The following NRIP1 variants were observed in gnomAD, a reference collection of about 807,000 sequenced individuals.
NRIP1 encodes nuclear receptor interacting protein 1.
A neutral mutation model predicts 75.0 loss-of-function variants in NRIP1; 28 were observed. The ratio of observed to expected loss-of-function variants is 0.37; its 90% CI spans 0.28 to 0.51. NRIP1 has a LOEUF of 0.51. Among genes scored for constraint, NRIP1 ranks in the 20% least tolerant of loss-of-function variants. The probability of loss-of-function intolerance (pLI) is 0.92; values close to 1 mark genes in which losing one functional copy is unlikely to be tolerated. For synonymous variants in NRIP1, 526 were observed against 487.6 expected (o/e 1.08, Z -1.04); for missense variants, 1,435 against 1,343.7 (o/e 1.07, Z -1.06).
chr21:14,987,081 A>G (rs549606764), intron 3 of NRIP1, among the ~76,000 whole-genome samples: 1 of 152,310 alleles, frequency 6.6e-6, no homozygotes, highest in East Asian at 1.9e-4. Flanking sequence ...AAAAACCTCT[A>G]GTGACCATGA....
intron 3 of NRIP1, among the ~76,000 whole-genome samples, chr21:14,990,581 G>A (rs151337489): frequency 1.3e-5 from 2 of 152,168 alleles, no homozygotes; most frequent in Non-Finnish European, 2.9e-5. Flanking sequence ...AAGAGCCAGA[G>A]GGCAACAGTA....
chr21:15,030,945 A>G (rs4816462), intron 2 of NRIP1, among the ~76,000 whole-genome samples: 11,160 of 56,894 alleles, frequency 0.2, 50 homozygotes, highest in East Asian at 0.37. Context: ...GAAGGCACTC[A>G]GAGGATCACC....
At chr21:15,006,915 G>A (rs774634811) in intron 3 of NRIP1, among the ~76,000 whole-genome samples, 1 of 152,196 alleles carries the variant, frequency 6.6e-6, no homozygotes, top group Non-Finnish European at 1.5e-5. Context: ...GCTGTAACCA[G>A]GTTTTTAGTT....
Position 15,049,103 on chromosome 21 carries a change from A to G in NRIP1, c.-537-5529T>C, listed in dbSNP as rs542425885. 2.8e-3 allele frequency among the ~76,000 whole-genome samples: 422 copies of G among 152,322 alleles called. 2 individuals carry two copies. Among genetic ancestry groups the G allele is most frequent in the Non-Finnish European group, 3.9e-3 (268 of 67,994 alleles). On this transcript the variant is annotated intron_variant, in intron 1 of 3. Coordinates refer to ENST00000318948, the MANE Select transcript of NRIP1 (RefSeq NM_003489.4). ...AAGAACAATTCTATACCCTAATAGCATTTAGAAGCAAAATACAATATAGGG... is the reference window on the plus strand; with the variant it reads ...AAGAACAATTCTATACCCTAATAGCGTTTAGAAGCAAAATACAATATAGGG...
At chr21:15,022,867 T>C (rs1314656859) in intron 2 of NRIP1, among the ~76,000 whole-genome samples, 1 of 152,226 alleles carries the variant, frequency 6.6e-6, no homozygotes, top group Non-Finnish European at 1.5e-5. Flanking sequence ...TAAAATGTGA[T>C]AAATCCATAC....
intron 2 of NRIP1, among the ~76,000 whole-genome samples, chr21:15,015,532 C>A (rs1600872421): frequency 6.6e-6 from 1 of 151,754 alleles, no homozygotes; most frequent in Admixed American, 6.6e-5. Context: ...TAAGGATGTT[C>A]AAAATACATA....
chr21:14,992,405 A>G (rs1483060520), intron 3 of NRIP1: 1 of 152,208 alleles, frequency 6.6e-6, no homozygotes, highest in Non-Finnish European at 1.5e-5. Context: ...AATGTAACTT[A>G]CCAATTCAGT....
chr21:14,965,886 A>C lies in NRIP1; in HGVS notation c.2307T>G (p.Asn769Lys). The part of the protein sequence containing the change: ...PCDDLQIPNT[N>K]VHLSHDAKSA... Reference sequence around the variant, plus strand: ...TCTTAGCATCATGGCTCAAGTGCACATTTGTGTTAGGAATTTGTAAGTCAT... The same window carrying C: ...TCTTAGCATCATGGCTCAAGTGCACCTTTGTGTTAGGAATTTGTAAGTCAT... Residue 769 changes from asparagine (N) to lysine (K), a missense_variant, in exon 4 of 4, where the codon AAT (asparagine) becomes AAG (lysine). Transcript: ENST00000318948. 1 of 1,614,112 alleles carries C rather than the reference A, an allele frequency of 6.2e-7. No homozygotes were observed. The highest frequency in any genetic ancestry group is 8.5e-7 in the Non-Finnish European group (1 of 1,179,988).
At position 14,965,897 on chromosome 21, in the gene NRIP1, G is replaced by C; in HGVS notation, c.2296C>G (p.Pro766Ala). ...KSEPCDDLQI[P>A]NTNVHLSHDA... ...TGGCTCAAGTGCACATTTGTGTTAGGAATTTGTAAGTCATCACAAGGCTCA... is the reference window on the plus strand; with the variant it reads ...TGGCTCAAGTGCACATTTGTGTTAGCAATTTGTAAGTCATCACAAGGCTCA... Residue 766 changes from proline (P) to alanine (A), a missense_variant, in exon 4 of 4, where the codon CCT (proline) becomes GCT (alanine). By Grantham distance (27) the Pro-to-Ala change is conservative (BLOSUM62 -1). Transcript: ENST00000318948. 6.2e-7 allele frequency: 1 copy of C among 1,614,080 alleles called. No individual in the cohort carries two copies. The highest frequency in any genetic ancestry group is 8.5e-7 in the Non-Finnish European group (1 of 1,179,984).
intron 3 of NRIP1, chr21:14,988,099 T>C (rs1478609486): frequency 6.6e-6 from 1 of 152,172 alleles, no homozygotes; most frequent in East Asian, 1.9e-4. Context: ...AGCATTGTGG[T>C]GAAAAGAACA....
rs1449166173 is a variant in NRIP1, at chr21:14,967,632, A to C, written c.561T>G (p.Thr187=). The change falls in exon 4 of 4, where the codon ACT becomes ACG. Residue 187 remains threonine, a synonymous_variant. Coordinates refer to ENST00000318948, the MANE Select transcript of NRIP1 (RefSeq NM_003489.4). The part of the protein sequence containing the change: ...CYGVASSHLK[T]LLKKSKVKDQ... ...CTTTAACTTTACTTTTCTTCAACAA[A>C]GTTTTTAAGTGACTTGATGCAACAC... The C allele has an allele frequency of 6.2e-7, 1 of 1,613,532 alleles. No homozygotes were observed. Among genetic ancestry groups the C allele is most frequent in the African/African-American group, 1.3e-5 (1 of 74,808 alleles).
chr21:14,985,493 TCTGGTTTTAAACTC>T (rs1475668722), intron 3 of NRIP1, among the ~76,000 whole-genome samples: 2 of 152,100 alleles, frequency 1.3e-5, no homozygotes, highest in Admixed American at 1.3e-4. Context: ...TCATCTATCA[TCTGGTTTTAAACTC>T]CTGACCTCAA....
At chr21:15,013,698 C>T (rs1370426405) in intron 3 of NRIP1, among the ~76,000 whole-genome samples, 1 of 152,162 alleles carries the variant, frequency 6.6e-6, no homozygotes, top group Admixed American at 6.5e-5. Flanking sequence ...GTAGAATTAA[C>T]CACTTGCTCA....
intron 3 of NRIP1, among the ~76,000 whole-genome samples, chr21:14,985,422 T>C (rs1055571731): frequency 2.6e-5 from 4 of 152,152 alleles, no homozygotes; most frequent in Non-Finnish European, 5.9e-5. Context: ...TCTGTGGGTT[T>C]AGAAAACATG....
chr21:15,040,390 T>C (rs2147309957), intron 2 of NRIP1, among the ~76,000 whole-genome samples: 1 of 152,212 alleles, frequency 6.6e-6, no homozygotes, highest in East Asian at 1.9e-4. Context: ...ATACTTCTAG[T>C]GAACAGCACT....
chr21:15,054,791 G>A (rs2089272736), intron 1 of NRIP1, among the ~76,000 whole-genome samples: 1 of 152,204 alleles, frequency 6.6e-6, no homozygotes, highest in Admixed American at 6.5e-5. Context: ...AGGACCAACA[G>A]TACACTGATG....
chr21:14,981,314 T>C (rs1392478483), intron 3 of NRIP1, among the ~76,000 whole-genome samples: 1 of 152,220 alleles, frequency 6.6e-6, no homozygotes, highest in Non-Finnish European at 1.5e-5. Context: ...TACCCTGATC[T>C]CTTATTTGCC....
intron 3 of NRIP1, among the ~76,000 whole-genome samples, chr21:14,985,395 T>C (rs2087368653): frequency 6.6e-6 from 1 of 152,142 alleles, no homozygotes; most frequent in African/African-American, 2.4e-5. Flanking sequence ...AAAAAAGTAT[T>C]TTATCCTACA....
intron 3 of NRIP1, among the ~76,000 whole-genome samples, chr21:14,994,095 T>C (rs1444052357): frequency 1.3e-5 from 2 of 151,994 alleles, no homozygotes; most frequent in Non-Finnish European, 2.9e-5. Flanking sequence ...TATAAAACCA[T>C]CCATTAAAGG....
Sources: allele counts gnomAD v4.1 joint callset (sites outside exome capture counted in the v4.1 genomes callset), GRCh38; gene constraint gnomAD v4.1.1; transcripts MANE v1.5; gene names NCBI Gene and HGNC (gene_info 2026-07-23, HGNC 2026-07-21).